Variants in CSMD1 observed in about 807,000 individuals in gnomAD.
CSMD1 encodes CUB and sushi domain-containing protein 1.
Under a neutral mutation model 417.5 loss-of-function variants are expected in CSMD1, and 213 were observed. The observed-to-expected ratio is 0.51, with a 90% CI of 0.46 to 0.57. The LOEUF is 0.57. Ranked by LOEUF, CSMD1 falls within the 20% of genes least tolerant of loss-of-function variation. The pLI, the probability that CSMD1 is intolerant of heterozygous loss-of-function variation, is 0.00. For missense variants in CSMD1, 6,923 were observed against 4,529.7 expected, an observed-to-expected ratio of 1.53 and a Z score of -15.17; for synonymous variants, 2,862 against 1,736.8, an observed-to-expected ratio of 1.65 and a Z score of -16.11.
intron 7 of CSMD1, among the ~76,000 whole-genome samples, chr8:3,620,540 T>C (rs1270514813): frequency 1.3e-5 from 2 of 152,088 alleles, no homozygotes; most frequent in South Asian, 2.1e-4. Flanking sequence ...GGAGCAGACT[T>C]GTAAGGATTG....
At chr8:4,730,208 G>A (rs76468025) in intron 1 of CSMD1, among the ~76,000 whole-genome samples, 2,819 of 151,734 alleles carry the variant, frequency 0.019, 43 homozygotes, top group African/African-American at 0.031. Context: ...GGAGACAGAA[G>A]AAAACAAAAC....
At chr8:4,304,792 A>C (rs1427706488) in intron 3 of CSMD1, among the ~76,000 whole-genome samples, 1 of 152,340 alleles carries the variant, frequency 6.6e-6, no homozygotes, top group African/African-American at 2.4e-5. Flanking sequence ...ACTTCATCCT[A>C]AGCCATACCT....
intron 55 of CSMD1, 47 bp from the exon 56 acceptor site, chr8:2,974,671 C>CA (rs1294239142): frequency 2.1e-6 from 3 of 1,426,276 alleles, no homozygotes; most frequent in Non-Finnish European, 2.8e-6. Context: ...CCAGTTAAAC[C>CA]ACTTTGTATT....
At chr8:3,975,866 T>C (rs1183672753) in intron 5 of CSMD1, among the ~76,000 whole-genome samples, 2 of 152,238 alleles carry the variant, frequency 1.3e-5, no homozygotes, top group East Asian at 1.9e-4. Context: ...CCTTCATTTT[T>C]CCACAAATAT....
chr8:4,594,110 T>G (rs1469798004), intron 2 of CSMD1, among the ~76,000 whole-genome samples: 1 of 152,018 alleles, frequency 6.6e-6, no homozygotes, highest in East Asian at 1.9e-4. Context: ...TGTGTCAAGT[T>G]TCCCCTTTTT....
At chr8:4,763,870 A>G (rs1258804522) in intron 1 of CSMD1, among the ~76,000 whole-genome samples, 2 of 152,236 alleles carry the variant, frequency 1.3e-5, no homozygotes, top group Non-Finnish European at 1.5e-5. Context: ...AAAGAAAACT[A>G]AAATACATGA....
At chr8:4,060,912 A>G (rs536701827) in intron 3 of CSMD1, among the ~76,000 whole-genome samples, 1 of 152,310 alleles carries the variant, frequency 6.6e-6, no homozygotes, top group South Asian at 2.1e-4. Context: ...CCTGTTTCCC[A>G]TTTGCAGTAG....
intron 54 of CSMD1, among the ~76,000 whole-genome samples, chr8:2,992,029 C>T (rs567177695): frequency 1.3e-5 from 2 of 152,276 alleles, no homozygotes; most frequent in African/African-American, 2.4e-5. Context: ...AAACAACCAG[C>T]TTCTTAAAAT....
intron 25 of CSMD1, among the ~76,000 whole-genome samples, chr8:3,299,073 A>T (rs548776724): frequency 6.6e-6 from 1 of 152,212 alleles, no homozygotes; most frequent in Non-Finnish European, 1.5e-5. Flanking sequence ...AAATGTAGGT[A>T]AGTGTCAGTC....
rs773861923 is a variant in CSMD1 at position 3,000,207 on chromosome 8, T to C, written c.8030-76A>G. The C allele has an allele frequency of 3.4e-4, 364 of 1,086,486 alleles. 1 individual carries two copies. The highest frequency in any genetic ancestry group is 4.3e-4 in the Middle Eastern group (2 of 4,652). The allele number at this position is 1,086,486 out of a possible 1,614,324, so 67.3% of individuals were successfully genotyped here. On this transcript the variant is annotated intron_variant, in intron 52 of 69. Coordinates refer to ENST00000635120, the MANE Select transcript of CSMD1 (RefSeq NM_033225.6). Reference sequence around the variant, plus strand: ...AGTAGTACATTCACAACTTTTATTATCAAGTCAATAACAGTATTGAAGGCG... The same window carrying C: ...AGTAGTACATTCACAACTTTTATTACCAAGTCAATAACAGTATTGAAGGCG...
At chr8:3,894,143 T>C (rs1807185970) in intron 5 of CSMD1, among the ~76,000 whole-genome samples, 1 of 152,218 alleles carries the variant, frequency 6.6e-6, no homozygotes, top group Non-Finnish European at 1.5e-5. Context: ...CTTTTTCCTT[T>C]GCAAAAACTA....
chr8:2,990,224 A>C (rs1002138194), intron 54 of CSMD1, among the ~76,000 whole-genome samples: 3 of 152,210 alleles, frequency 2.0e-5, no homozygotes. Context: ...CAAGAGGCTG[A>C]CACTAATATC....
chr8:3,219,325 T>A lies in CSMD1; in HGVS notation c.4602A>T (p.Gly1534=), dbSNP rs768649653. ...SQAPERIESS[G]NSLFLAFRSD... The stretch of plus-strand genomic sequence containing the variant: ...TCCGAAATGCCAGAAACAGGCTGTT[T>A]CCGCTACTCTCTATTCTTTCTGGGG... Residue 1534 remains glycine, a synonymous_variant, in exon 29 of 70, where the codon GGA becomes GGT. Transcript: ENST00000635120. The A allele has an allele frequency of 1.3e-6, 2 of 1,586,296 alleles. No homozygotes were observed. The highest frequency in any genetic ancestry group is 1.8e-4 in the Middle Eastern group (1 of 5,594).
chr8:3,964,404 T>C (rs1328366117), intron 5 of CSMD1, among the ~76,000 whole-genome samples: 2 of 152,172 alleles, frequency 1.3e-5, no homozygotes, highest in Admixed American at 6.5e-5. Flanking sequence ...TAATTTAGCA[T>C]AGCTCCTGTT....
chr8:4,492,492 T>C (rs1801754926), intron 2 of CSMD1, among the ~76,000 whole-genome samples: 1 of 152,188 alleles, frequency 6.6e-6, no homozygotes, highest in Non-Finnish European at 1.5e-5. Flanking sequence ...ATATATAAAG[T>C]TGATTTCTTT....
At position 4,652,683 on chromosome 8, in the gene CSMD1, C is replaced by T. The variant is rs180752732; in HGVS notation, c.86-15125G>A. 2.2e-3 allele frequency among the ~76,000 whole-genome samples: 342 copies of T among 152,188 alleles called. 2 individuals are homozygous for T. Among genetic ancestry groups the T allele is most frequent in the African/African-American group, 8.0e-3 (333 of 41,512 alleles). On this transcript the variant is annotated intron_variant, in intron 1 of 69. Coordinates refer to ENST00000635120, the MANE Select transcript of CSMD1 (RefSeq NM_033225.6). ...AAAAAAAAAGACAGATTCGCCACAG[C>T]TTCAGCCATCAGGGCAATCCCAAGC...
chr8:3,616,927 G>C (rs545524850), intron 7 of CSMD1, 130 bp from the exon 8 acceptor site: 226 of 574,120 alleles, frequency 3.9e-4, no homozygotes, highest in Non-Finnish European at 6.5e-4. Context: ...AAGGAATTAA[G>C]ACACCTTAAA....
intron 1 of CSMD1, among the ~76,000 whole-genome samples, chr8:4,852,777 G>A (rs1415128466): frequency 6.6e-6 from 1 of 152,126 alleles, no homozygotes; most frequent in African/African-American, 2.4e-5. Context: ...ACAGTGATGG[G>A]CAGGCTGATG....
At chr8:3,994,156 A>G (rs1377130493) in intron 5 of CSMD1, among the ~76,000 whole-genome samples, 1 of 152,028 alleles carries the variant, frequency 6.6e-6, no homozygotes, top group Non-Finnish European at 1.5e-5. Context: ...TTTGGGACAC[A>G]TTTTCAATGC....
Sources: gnomAD v4.1 joint callset for allele counts (sites outside exome capture counted in the v4.1 genomes callset) on GRCh38, gnomAD v4.1.1 for gene constraint, MANE v1.5 for transcripts, NCBI Gene and HGNC (gene_info 2026-07-23, HGNC 2026-07-21) for gene names.